Variants in CTDSPL observed in about 807,000 individuals in gnomAD.
The protein encoded by CTDSPL is CTD small phosphatase like.
CTDSPL carries 8 observed loss-of-function variants against 30.5 expected under a neutral mutation model. The observed-to-expected ratio is 0.26, with a 90% confidence interval of 0.15 to 0.47. The LOEUF is 0.47. Among genes scored for constraint, CTDSPL ranks in the 20% least tolerant of loss-of-function variants. The probability of loss-of-function intolerance (pLI) is 0.99; values close to 1 mark genes in which losing one functional copy is unlikely to be tolerated. For missense variants in CTDSPL, 248 were observed against 366.1 expected, an observed-to-expected ratio of 0.68 and a Z score of 2.63; for synonymous variants, 110 against 137.9, an observed-to-expected ratio of 0.80 and a Z score of 1.42.
At chr3:37,864,234 C>T (rs1697980427) in intron 1 of CTDSPL, among the ~76,000 whole-genome samples, 1 of 152,182 alleles carries the variant, frequency 6.6e-6, no homozygotes, top group Admixed American at 6.5e-5. Context: ...CTCCTGCTGC[C>T]CCCCACCTGA....
chr3:37,927,633 T>C (rs1037693979), intron 1 of CTDSPL, among the ~76,000 whole-genome samples: 1 of 83,244 alleles, frequency 1.2e-5, no homozygotes, highest in Non-Finnish European at 2.3e-5. Context: ...AAAAGAAAAA[T>C]ATATGTGTGT....
chr3:37,872,335 T>C (rs898317477), intron 1 of CTDSPL, among the ~76,000 whole-genome samples: 1 of 152,120 alleles, frequency 6.6e-6, no homozygotes, highest in Non-Finnish European at 1.5e-5. Context: ...TTGTTTTTTT[T>C]CATTCAGTTC....
intron 1 of CTDSPL, among the ~76,000 whole-genome samples, chr3:37,881,721 CA>C (rs2125592492): frequency 6.6e-6 from 1 of 150,912 alleles, no homozygotes; most frequent in East Asian, 1.9e-4. Context: ...TGAAAACGTG[CA>C]AAAAATAGTT....
At chr3:37,892,795 G>A (rs1012586574) in intron 1 of CTDSPL, among the ~76,000 whole-genome samples, 11 of 152,190 alleles carry the variant, frequency 7.2e-5, no homozygotes, top group Non-Finnish European at 1.3e-4. Flanking sequence ...GTATAAGAAA[G>A]CTGGAACGAT....
chr3:37,908,062 A>T (rs1698538296), intron 1 of CTDSPL, among the ~76,000 whole-genome samples: 1 of 152,244 alleles, frequency 6.6e-6, no homozygotes, highest in Non-Finnish European at 1.5e-5. Flanking sequence ...CATAACCCTC[A>T]GTGTAGCAGC....
At chr3:37,962,711 G>T (rs1037622571) in intron 3 of CTDSPL, among the ~76,000 whole-genome samples, 1 of 152,246 alleles carries the variant, frequency 6.6e-6, no homozygotes, top group African/African-American at 2.4e-5. Context: ...AAACATTTTA[G>T]TAGTTTATAA....
chr3:37,917,623 A>G (rs1027834731), intron 1 of CTDSPL, among the ~76,000 whole-genome samples: 1 of 152,220 alleles, frequency 6.6e-6, no homozygotes, highest in African/African-American at 2.4e-5. Context: ...AAACGTTTCC[A>G]TTTAGTACAC....
chr3:37,903,828 G>T (rs1020874170), intron 1 of CTDSPL, among the ~76,000 whole-genome samples: 1 of 152,166 alleles, frequency 6.6e-6, no homozygotes, highest in East Asian at 1.9e-4. Flanking sequence ...TGGGTCAAGC[G>T]ACTACCACTG....
At chr3:37,917,710 C>T (rs2300666) in intron 1 of CTDSPL, among the ~76,000 whole-genome samples, 10 of 152,058 alleles carry the variant, frequency 6.6e-5, no homozygotes, top group African/African-American at 2.4e-4. Context: ...CTGCTGCCCT[C>T]AGCCACAAAC....
At chr3:37,930,484 A>G (rs74554902) in intron 1 of CTDSPL, among the ~76,000 whole-genome samples, 3,596 of 151,752 alleles carry the variant, frequency 0.024, 143 homozygotes, top group African/African-American at 0.082. Flanking sequence ...TACTACTACT[A>G]TTATTATTGA....
intron 2 of CTDSPL, among the ~76,000 whole-genome samples, chr3:37,949,852 C>T (rs947798349): frequency 6.6e-6 from 1 of 152,182 alleles, no homozygotes; most frequent in African/African-American, 2.4e-5. Flanking sequence ...GCATTAAGGC[C>T]CCCAGTTTTC....
intron 1 of CTDSPL, among the ~76,000 whole-genome samples, chr3:37,901,189 G>A (rs1698446522): frequency 6.6e-6 from 1 of 152,208 alleles, no homozygotes; most frequent in South Asian, 2.1e-4. Flanking sequence ...AGTGCCTGAT[G>A]CTCCCAGCTG....
chr3:37,872,505 G>C (rs1479174407), intron 1 of CTDSPL, among the ~76,000 whole-genome samples: 1 of 144,764 alleles, frequency 6.9e-6, no homozygotes, highest in Non-Finnish European at 1.5e-5. Flanking sequence ...GTTAATGTCA[G>C]GTGGAGTGGA....
At chr3:37,877,910 T>C (rs565110727) in intron 1 of CTDSPL, among the ~76,000 whole-genome samples, 15 of 152,236 alleles carry the variant, frequency 9.9e-5, no homozygotes, top group African/African-American at 3.6e-4. Flanking sequence ...TCATGAGGGA[T>C]CCGCTCCCAT....
chr3:37,884,433 T>C (rs1164567426), intron 1 of CTDSPL, among the ~76,000 whole-genome samples: 1 of 152,188 alleles, frequency 6.6e-6, no homozygotes, highest in African/African-American at 2.4e-5. Context: ...AGTGGTAGGA[T>C]GTTGGGTAGT....
At chr3:37,908,996 C>T (rs114816498) in intron 1 of CTDSPL, among the ~76,000 whole-genome samples, 1,688 of 152,296 alleles carry the variant, frequency 0.011, 35 homozygotes, top group African/African-American at 0.038. Flanking sequence ...GTAATTACTA[C>T]AACTATTTTG....
chr3:37,969,907 A>G (rs1699347279), intron 5 of CTDSPL, among the ~76,000 whole-genome samples: 1 of 152,104 alleles, frequency 6.6e-6, no homozygotes, highest in South Asian at 2.1e-4. Context: ...TTCTGTATAG[A>G]ATTCCTCGGC....
chr3:37,979,674 G>A (rs1699467814), intron 7 of CTDSPL, among the ~76,000 whole-genome samples: 2 of 152,188 alleles, frequency 1.3e-5, no homozygotes, highest in African/African-American at 2.4e-5. Context: ...TGAGGTGGAA[G>A]GATCACTTGA....
chr3:37,900,273 C>T (rs147903964), intron 1 of CTDSPL, among the ~76,000 whole-genome samples: 53 of 152,160 alleles, frequency 3.5e-4, no homozygotes, highest in African/African-American at 1.2e-3. Context: ...ATTGTTTGGC[C>T]GGACATAAGG....
Sources: gnomAD v4.1 joint callset for allele counts (sites outside exome capture counted in the v4.1 genomes callset) on GRCh38, gnomAD v4.1.1 for gene constraint, MANE v1.5 for transcripts, NCBI Gene and HGNC (gene_info 2026-07-23, HGNC 2026-07-21) for gene names.